The following PPOX variants were observed in gnomAD, a reference collection of about 807,000 sequenced individuals.
PPOX encodes protoporphyrinogen oxidase.
Under a neutral mutation model 54.1 loss-of-function variants are expected in PPOX, and 23 were observed. The ratio of observed to expected loss-of-function variants is 0.43; its 90% CI spans 0.31 to 0.60. PPOX has a LOEUF of 0.60. Ranked by LOEUF, PPOX falls within the 20% of genes least tolerant of loss-of-function variation. The pLI is 0.13. For missense variants in PPOX, 512 were observed against 601.1 expected (o/e 0.85, Z 1.55); for synonymous variants, 224 against 236.1 (o/e 0.95, Z 0.47).
downstream of PPOX, chr1:161,171,766 T>C (rs1253087114): frequency 2.5e-6 from 4 of 1,599,696 alleles, no homozygotes; most frequent in African/African-American, 1.3e-5. Flanking sequence ...GTGGGGAGAA[T>C]ACAACCCCAT....
chr1:161,170,947 T>C lies in PPOX; in HGVS notation c.1289T>C (p.Leu430Pro), dbSNP rs1248877568. The change falls in exon 12 of 13, where the codon CTA becomes CCA. Residue 430 changes from leucine to proline, a missense_variant and splice_region_variant. By Grantham distance (98) the Leu-to-Pro change is moderately conservative. Coordinates refer to ENST00000367999, the MANE Select transcript of PPOX (RefSeq NM_001122764.3). ...TATACACTAGGTCACTGGCAAAAAC[T>C]AGGTAAGTTGGGAAAACAGCTGGGC... ...PQYTLGHWQKLESARQFLTAH... is the reference protein window; with the variant it reads ...PQYTLGHWQKPESARQFLTAH... 1 of 1,614,034 alleles carries C rather than the reference T, an allele frequency of 6.2e-7. No individual in the cohort carries two copies. The highest frequency in any genetic ancestry group is 8.5e-7 in the Non-Finnish European group (1 of 1,180,024).
chr1:161,176,646 T>C, intron 4 of PPOX: 2 of 587,196 alleles, frequency 3.4e-6, no homozygotes, highest in Non-Finnish European at 6.1e-6. Context: ...AGGGTGAAGC[T>C]GGTTTCCCAG....
intron 1 of PPOX, 25 bp from the exon 2 acceptor site, chr1:161,166,815 G>A (rs765841345): frequency 6.2e-7 from 1 of 1,611,020 alleles, no homozygotes; most frequent in Non-Finnish European, 8.5e-7. Flanking sequence ...CGGTCTGCCT[G>A]TCCATATCGC....
downstream of PPOX, chr1:161,174,935 T>C (rs766261366): frequency 6.4e-5 from 99 of 1,548,812 alleles, 1 homozygote; most frequent in Non-Finnish European, 8.4e-5. Context: ...TGAAGTGGCA[T>C]GTGCTTGAGG....
At chr1:161,167,686 T>C in intron 4 of PPOX, 200 bp downstream of exon 4, 1 of 786,490 alleles carries the variant, frequency 1.3e-6, no homozygotes, top group East Asian at 3.0e-5. Context: ...TGCCTCAGCC[T>C]CCCGAGTAGC....
At chr1:161,177,418 C>G (rs1003054244), downstream of PPOX, 6 of 212,414 alleles carry the variant, frequency 2.8e-5, no homozygotes, top group African/African-American at 1.4e-4. Flanking sequence ...TCCCAGCGCA[C>G]ATACCTGGTC....
At chr1:161,170,823 A>T in intron 11 of PPOX, 54 bp downstream of exon 11, 2 of 1,613,966 alleles carry the variant, frequency 1.2e-6, no homozygotes, top group Non-Finnish European at 1.7e-6. Flanking sequence ...GAAGACAGAG[A>T]CTGGAACATT....
At chr1:161,174,830 G>A (rs2101959905), downstream of PPOX, 3 of 695,268 alleles carry the variant, frequency 4.3e-6, no homozygotes, top group East Asian at 2.7e-5. Flanking sequence ...AAAAGTATGG[G>A]ACTAACAAAG....
At chr1:161,168,196 T>A (rs932690667) in intron 5 of PPOX, 69 bp downstream of exon 5, 1 of 1,611,248 alleles carries the variant, frequency 6.2e-7, no homozygotes, top group Non-Finnish European at 8.5e-7. Context: ...TGTTCAAATC[T>A]ACCACCTAGG....
downstream of PPOX, chr1:161,171,318 A>C: frequency 7.3e-7 from 1 of 1,361,558 alleles, no homozygotes; most frequent in South Asian, 1.2e-5. Context: ...GATGCGAGAC[A>C]AAGTCCTTTA....
chr1:161,169,919 G>C lies in PPOX; in HGVS notation c.882G>C (p.Leu294=). ...SAIPASVLSE[L]LPAEAAPLAR... ...CCTGATCTCTAGTGCTCAGTGAGCT[G>C]CTCCCTGCTGAGGCTGCCCCTCTGG... Residue 294 remains leucine (L), a synonymous_variant, in exon 9 of 13, where the codon CTG becomes CTC. Coordinates refer to ENST00000367999, the MANE Select transcript of PPOX (RefSeq NM_001122764.3). The C allele has an allele frequency of 6.2e-7, 1 of 1,614,200 alleles. No individual in the cohort carries two copies. Among genetic ancestry groups the C allele is most frequent in the Non-Finnish European group, 8.5e-7 (1 of 1,180,030 alleles).
chr1:161,168,938 A>C (rs1660123609), intron 6 of PPOX, 55 bp from the exon 7 acceptor site: 1 of 1,599,364 alleles, frequency 6.3e-7, no homozygotes, highest in South Asian at 1.1e-5. Context: ...TGCTGGGATT[A>C]CAGGTGTGAG....
chr1:161,166,257 C>G (rs986783252), upstream of PPOX: 1 of 965,860 alleles, frequency 1.0e-6, no homozygotes, highest in South Asian at 4.8e-5. Flanking sequence ...GGTACGGCCG[C>G]TCACTCCCAG....
chr1:161,167,360 G>GT lies in PPOX; in HGVS notation c.223-10dup. The GT allele has an allele frequency of 1.2e-6, 2 of 1,614,028 alleles. No homozygotes were observed. The highest frequency in any genetic ancestry group is 1.7e-6 in the Non-Finnish European group (2 of 1,180,022). ...TTAGTTTCTCCTCTTCTGAGGGCAT[G>GT]TGGAGAGCAGGTTTCTGAGCTTGGC... On this transcript the variant is annotated splice_polypyrimidine_tract_variant and intron_variant, in intron 3 of 12. Transcript: ENST00000367999.
At position 161,170,017 on chromosome 1, in the gene PPOX, C is replaced by T. The variant is rs371785217; in HGVS notation, c.980C>T (p.Pro327Leu). The T allele has an allele frequency of 1.2e-6, 2 of 1,613,344 alleles. No individual in the cohort carries two copies. The highest frequency in any genetic ancestry group is 2.7e-5 in the African/African-American group (2 of 74,924). The part of the protein sequence containing the change: ...VNLQYQGAHL[P>L]VQGFGHLVPS... Reference sequence around the variant, plus strand: ...CTGCAGTACCAAGGAGCCCATCTGCCTGTCCAGGTATGATAAAGGGACGGA... The same window carrying T: ...CTGCAGTACCAAGGAGCCCATCTGCTTGTCCAGGTATGATAAAGGGACGGA... The change falls in exon 9 of 13, where the codon CCT becomes CTT. Residue 327 changes from proline to leucine, a missense_variant. Physicochemically the swap from Pro to Leu is moderately conservative, Grantham distance 98. Transcript: ENST00000367999.
rs181709813 is a variant in PPOX, at chr1:161,170,366, C to G, written c.988-43C>G. On this transcript the variant is annotated intron_variant, in intron 9 of 12. Coordinates refer to ENST00000367999, the MANE Select transcript of PPOX (RefSeq NM_001122764.3). ...AAATGGGAAGGAGAGACAGCCTCAG[C>G]TAGAGCCCTTTCCTTCTGACGCATG... 7.0e-4 allele frequency: 859 copies of G among 1,221,260 alleles called. 6 individuals are homozygous for G. In the African/African-American group the frequency reaches 0.012, roughly 17 times the overall value. The allele number at this position is 1,221,260 out of a possible 1,614,324, so 75.7% of individuals were successfully genotyped here.
chr1:161,169,727 G>A lies in PPOX; in HGVS notation c.868+7G>A. 1.9e-6 allele frequency: 3 copies of A among 1,614,154 alleles called. No individual in the cohort carries two copies. The highest frequency in any genetic ancestry group is 2.2e-5 in the South Asian group (2 of 91,080). Reference sequence around the variant, plus strand: ...AGTGCCATTCCAGCTTCAGGTAATGGAATAGCCACCTTCCCCTTCCCCAAC... The same window carrying A: ...AGTGCCATTCCAGCTTCAGGTAATGAAATAGCCACCTTCCCCTTCCCCAAC... On this transcript the variant is annotated splice_region_variant and intron_variant, in intron 8 of 12. Coordinates refer to ENST00000367999, the MANE Select transcript of PPOX (RefSeq NM_001122764.3).
chr1:161,172,754 G>A (rs551095155), downstream of PPOX, among the ~76,000 whole-genome samples: 128 of 152,032 alleles, frequency 8.4e-4, 1 homozygote, highest in Non-Finnish European at 1.2e-3. Flanking sequence ...TAGGCCAGGT[G>A]CAGTGGCTCA....
At chr1:161,166,243 G>A (rs1413754624), upstream of PPOX, 4 of 965,404 alleles carry the variant, frequency 4.1e-6, no homozygotes, top group African/African-American at 3.5e-5. Context: ...GGAGGGCAGT[G>A]ACGGGTACGG....
Sources: gnomAD v4.1 joint callset for allele counts (sites outside exome capture counted in the v4.1 genomes callset) on GRCh38, gnomAD v4.1.1 for gene constraint, MANE v1.5 for transcripts, NCBI Gene and HGNC (gene_info 2026-07-23, HGNC 2026-07-21) for gene names.